THADA: variants seen among roughly 807,000 people sequenced by gnomAD.
THADA encodes tRNA (32-2'-O)-methyltransferase regulator THADA.
In THADA, 213 loss-of-function variants were observed where a neutral mutation model predicts 219.8. The ratio of observed to expected loss-of-function variants is 0.97; its 90% CI spans 0.87 to 1.09. The LOEUF (loss-of-function observed/expected upper bound fraction) is 1.09, where lower values mean the gene tolerates loss of function less well. Ranked by LOEUF, THADA falls within the 50% of genes least tolerant of loss-of-function variation. The pLI, the probability that THADA is intolerant of heterozygous loss-of-function variation, is 0.00. For missense variants in THADA, 2,956 were observed against 2,311.3 expected (o/e 1.28, Z -5.72); for synonymous variants, 1,018 against 828.9 (o/e 1.23, Z -3.92).
At chr2:43,354,116 C>G (rs183116294) in intron 29 of THADA, among the ~76,000 whole-genome samples, 1 of 151,834 alleles carries the variant, frequency 6.6e-6, no homozygotes, top group Non-Finnish European at 1.5e-5. Context: ...CCACTGCGCC[C>G]GGCCAATTTT....
intron 22 of THADA, among the ~76,000 whole-genome samples, chr2:43,521,593 A>G (rs1005484326): frequency 1.3e-5 from 2 of 152,196 alleles, no homozygotes; most frequent in Non-Finnish European, 2.9e-5. Context: ...CTGTTTTCCT[A>G]TGCTAAGTGC....
At chr2:43,557,553 C>T (rs542811969) in intron 16 of THADA, among the ~76,000 whole-genome samples, 12 of 152,214 alleles carry the variant, frequency 7.9e-5, no homozygotes, top group Middle Eastern at 3.2e-3. Flanking sequence ...AGAGCTCCCA[C>T]ACCTATATCT....
chr2:43,236,748 T>C (rs1233782192), intron 36 of THADA, among the ~76,000 whole-genome samples: 2 of 151,922 alleles, frequency 1.3e-5, no homozygotes, highest in East Asian at 1.9e-4. Context: ...TTTCAAAACT[T>C]ACTACAAAGC....
chr2:43,595,077 A>G (rs564126643), intron 1 of THADA, among the ~76,000 whole-genome samples: 1 of 152,372 alleles, frequency 6.6e-6, no homozygotes, highest in South Asian at 2.1e-4. Context: ...GGCACATAGT[A>G]GGTGTTTAAC....
At chr2:43,485,459 C>A in intron 25 of THADA, 134 bp from the exon 26 acceptor site, 3 of 628,368 alleles carry the variant, frequency 4.8e-6, no homozygotes, top group South Asian at 2.1e-5. Context: ...GATTTGTGTT[C>A]ATAAAATAAT....
rs141534429 is a variant in THADA, at chr2:43,487,321, C to T, written c.3745-1996G>A. Among the ~76,000 whole-genome samples, 486 of 152,284 alleles carry T rather than the reference C, an allele frequency of 3.2e-3. 3 individuals carry two copies. The highest frequency in any genetic ancestry group is 0.011 in the African/African-American group (472 of 41,554). ...AGGAAAACAGAAACACAGACTCCATCTTGCCCTAAGCCATACTTTCTGACA... is the reference window on the plus strand; with the variant it reads ...AGGAAAACAGAAACACAGACTCCATTTTGCCCTAAGCCATACTTTCTGACA... On this transcript the variant is annotated intron_variant, in intron 25 of 37. Transcript: ENST00000405975.
At chr2:43,446,041 G>C (rs1049932323) in intron 26 of THADA, among the ~76,000 whole-genome samples, 11 of 152,178 alleles carry the variant, frequency 7.2e-5, no homozygotes, top group Non-Finnish European at 1.0e-4. Context: ...CCTTTACACA[G>C]TGAGTTGGTG....
chr2:43,423,456 G>A (rs148817616), intron 28 of THADA, among the ~76,000 whole-genome samples: 3,730 of 147,712 alleles, frequency 0.025, 61 homozygotes, highest in Non-Finnish European at 0.036. Flanking sequence ...TTTTTGAGAC[G>A]GAGTCTTGCT....
chr2:43,232,653 A>C, intron 37 of THADA, 60 bp downstream of exon 37: 1 of 1,558,176 alleles, frequency 6.4e-7, no homozygotes, highest in Admixed American at 1.7e-5. Flanking sequence ...TAGGTGCTGC[A>C]TCTAGCGGGT....
In THADA at chr2:43,538,983, G is replaced by T. The variant is rs150279591; in HGVS notation, c.3264+2176C>A. On this transcript the variant is annotated intron_variant, in intron 21 of 37. Coordinates refer to ENST00000405975, the MANE Select transcript of THADA (RefSeq NM_022065.5). ...AAATCAGGATGATTTTAAACGGACTGTCATCTACATTCAAGTCATCAAATT... is the reference window on the plus strand; with the variant it reads ...AAATCAGGATGATTTTAAACGGACTTTCATCTACATTCAAGTCATCAAATT... Among the ~76,000 whole-genome samples the T allele has an allele frequency of 8.7e-3, 1,331 of 152,306 alleles. 6 individuals are homozygous for T. Among genetic ancestry groups the T allele is most frequent in the Middle Eastern group, 0.024 (7 of 294 alleles).
intron 28 of THADA, among the ~76,000 whole-genome samples, chr2:43,406,722 T>A (rs1433823970): frequency 6.6e-6 from 1 of 152,222 alleles, no homozygotes; most frequent in Non-Finnish European, 1.5e-5. Context: ...AATTTTGGCA[T>A]AATCTTCCCT....
In THADA at chr2:43,287,059, G is replaced by A. The variant is rs771778704; in HGVS notation, c.5013C>T (p.Asn1671=). Residue 1671 remains asparagine (N), a splice_region_variant and synonymous_variant, in exon 35 of 38, where the codon AAC becomes AAT. Transcript: ENST00000405975. The part of the protein sequence containing the change: ...ISHHMQTCVE[N]RELIAAELKQ... Reference sequence around the variant, plus strand: ...TCAGCTCAGCAGCTATCAATTCCCTGTTCTAAAAGCACAAAATGTACCTAT... The same window carrying A: ...TCAGCTCAGCAGCTATCAATTCCCTATTCTAAAAGCACAAAATGTACCTAT... 4 of 1,611,430 alleles carry A rather than the reference G, an allele frequency of 2.5e-6. No individual in the cohort carries two copies. The highest frequency in any genetic ancestry group is 3.4e-6 in the Non-Finnish European group (4 of 1,178,338).
chr2:43,490,449 A>G (rs983726872), intron 25 of THADA, among the ~76,000 whole-genome samples: 1 of 152,104 alleles, frequency 6.6e-6, no homozygotes, highest in East Asian at 1.9e-4. Context: ...TTTACCATCA[A>G]GTATATTGTT....
At chr2:43,572,124 T>C (rs1699367096) in intron 12 of THADA, among the ~76,000 whole-genome samples, 1 of 152,192 alleles carries the variant, frequency 6.6e-6, no homozygotes, top group African/African-American at 2.4e-5. Flanking sequence ...GCTTCATTCC[T>C]TTTTCTTTTT....
chr2:43,298,601 A>AT (rs142592368), intron 31 of THADA, among the ~76,000 whole-genome samples: 22,020 of 149,112 alleles, frequency 0.15, 1,872 homozygotes, highest in African/African-American at 0.24. Context: ...CAATAAAAAA[A>AT]AAATTAAAAA....
At chr2:43,262,033 A>G (rs373701666) in intron 36 of THADA, among the ~76,000 whole-genome samples, 2 of 152,180 alleles carry the variant, frequency 1.3e-5, no homozygotes, top group East Asian at 3.8e-4. Flanking sequence ...CGGCCTCTCA[A>G]AGTGCTGGGT....
chr2:43,407,794 T>C (rs1675756123), intron 28 of THADA, among the ~76,000 whole-genome samples: 1 of 151,994 alleles, frequency 6.6e-6, no homozygotes, highest in African/African-American at 2.4e-5. Flanking sequence ...AGATAAACCC[T>C]TTAAAATAAA....
chr2:43,294,583 C>A (rs1021152435), intron 31 of THADA, among the ~76,000 whole-genome samples: 1 of 152,128 alleles, frequency 6.6e-6, no homozygotes, highest in Admixed American at 6.5e-5. Context: ...CAATGTGAAG[C>A]AGCTAGTTCT....
intron 31 of THADA, among the ~76,000 whole-genome samples, chr2:43,296,174 T>G (rs1675353907): frequency 6.6e-6 from 1 of 151,954 alleles, no homozygotes; most frequent in African/African-American, 2.4e-5. Flanking sequence ...CGCCTCAGCC[T>G]CCCAAAGTGC....
Sources: allele counts gnomAD v4.1 joint callset (sites outside exome capture counted in the v4.1 genomes callset), GRCh38; gene constraint gnomAD v4.1.1; transcripts MANE v1.5; gene names NCBI Gene and HGNC (gene_info 2026-07-23, HGNC 2026-07-21).